Variants in CA10 observed in about 807,000 individuals in gnomAD.
The protein encoded by CA10 is carbonic anhydrase-related protein 10.
Under a neutral mutation model 44.2 loss-of-function variants are expected in CA10, and 14 were observed. That is an observed-to-expected ratio of 0.32 (90% CI 0.21 to 0.50). CA10 has a LOEUF of 0.50. Among genes scored for constraint, CA10 ranks in the 20% least tolerant of loss-of-function variants. The pLI, the probability that CA10 is intolerant of heterozygous loss-of-function variation, is 0.99. For missense variants in CA10, 350 were observed against 409.7 expected (o/e 0.85, Z 1.26); for synonymous variants, 159 against 141.6 (o/e 1.12, Z -0.87).
intron 1 of CA10, among the ~76,000 whole-genome samples, chr17:52,109,940 T>C (rs1249322504): frequency 6.6e-6 from 1 of 152,184 alleles, no homozygotes; most frequent in Non-Finnish European, 1.5e-5. Context: ...CCATGCATCC[T>C]CTGGCATCAT....
chr17:51,650,513 G>A (rs1480815909), intron 5 of CA10, among the ~76,000 whole-genome samples: 2 of 152,204 alleles, frequency 1.3e-5, no homozygotes, highest in Admixed American at 6.5e-5. Flanking sequence ...ACACACCAAA[G>A]GGAGCTTGGT....
chr17:51,930,996 G>T lies in CA10; in HGVS notation c.273C>A (p.Gly91=), dbSNP rs1484554803. Residue 91 remains glycine, a synonymous_variant, in exon 3 of 9, where the codon GGC becomes GGA. Coordinates refer to ENST00000451037, the MANE Select transcript of CA10 (RefSeq NM_020178.5). ...FLTPLRINTG[G]RKVSGTMYNT... Reference sequence around the variant, plus strand: ...AAGCAATATGGTGGCTTACCTTCCTGCCCCCCGTGTTGATGCGAAGAGGTG... The same window carrying T: ...AAGCAATATGGTGGCTTACCTTCCTTCCCCCCGTGTTGATGCGAAGAGGTG... 6.2e-7 allele frequency: 1 copy of T among 1,613,020 alleles called. No homozygotes were observed. The highest frequency in any genetic ancestry group is 8.5e-7 in the Non-Finnish European group (1 of 1,179,520).
chr17:51,936,552 C>A (rs190686189), intron 2 of CA10, among the ~76,000 whole-genome samples: 1 of 152,208 alleles, frequency 6.6e-6, no homozygotes, highest in African/African-American at 2.4e-5. Context: ...TGTTCAGGAA[C>A]AGAGAGGAAG....
intron 4 of CA10, among the ~76,000 whole-genome samples, chr17:51,703,571 T>C (rs1163361028): frequency 1.3e-5 from 2 of 152,068 alleles, no homozygotes; most frequent in East Asian, 3.9e-4. Context: ...ATTTTGGCAA[T>C]AGTCTCTGAG....
chr17:51,795,747 G>A (rs184904527), intron 3 of CA10, among the ~76,000 whole-genome samples: 1 of 152,320 alleles, frequency 6.6e-6, no homozygotes, highest in East Asian at 1.9e-4. Flanking sequence ...ACCCCAGGGA[G>A]GCACAAGGTG....
chr17:52,005,087 C>A (rs760593903), intron 2 of CA10, among the ~76,000 whole-genome samples: 1 of 151,874 alleles, frequency 6.6e-6, no homozygotes, highest in Non-Finnish European at 1.5e-5. Context: ...TAACCAAGAT[C>A]CTGGATCTCC....
At position 51,634,356 on chromosome 17, in the gene CA10, T is replaced by C. The variant is rs140362727; in HGVS notation, c.790-706A>G. Among the ~76,000 whole-genome samples the C allele has an allele frequency of 9.6e-3, 1,466 of 152,286 alleles. 30 individuals are homozygous for C. The highest frequency in any genetic ancestry group is 0.034 in the African/African-American group (1,412 of 41,556). ...GGAGTTACTGTTGCCTGTCACCCAG[T>C]GGGTCCCATTCAATACAGATAGGTT... On this transcript the variant is annotated intron_variant, in intron 7 of 8. Coordinates refer to ENST00000451037, the MANE Select transcript of CA10 (RefSeq NM_020178.5).
intron 2 of CA10, among the ~76,000 whole-genome samples, chr17:51,931,916 C>T (rs373589651): frequency 1.3e-5 from 2 of 152,150 alleles, no homozygotes; most frequent in South Asian, 4.1e-4. Flanking sequence ...GGGAGCCAAC[C>T]TACTAATTTT....
intron 2 of CA10, among the ~76,000 whole-genome samples, chr17:52,032,593 A>T (rs1986500559): frequency 6.6e-6 from 1 of 152,114 alleles, no homozygotes. Context: ...CATTCTTTAC[A>T]CTTCTCTCTG....
chr17:52,035,412 C>A (rs189835921), intron 2 of CA10, among the ~76,000 whole-genome samples: 3 of 152,278 alleles, frequency 2.0e-5, no homozygotes, highest in Admixed American at 2.0e-4. Flanking sequence ...GCAATAAAAT[C>A]TCCTGCATTT....
chr17:52,140,794 C>T (rs911666162), intron 1 of CA10, among the ~76,000 whole-genome samples: 69 of 152,278 alleles, frequency 4.5e-4, no homozygotes, highest in African/African-American at 1.6e-3. Flanking sequence ...CAGCCTAAGC[C>T]GCTGCTTCTT....
chr17:51,931,263 T>C (rs1982648134), intron 2 of CA10, 131 bp from the exon 3 acceptor site: 5 of 820,386 alleles, frequency 6.1e-6, no homozygotes, highest in Non-Finnish European at 9.5e-6. Flanking sequence ...TGGAGATCCT[T>C]GGGGGTTGCT....
intron 3 of CA10, among the ~76,000 whole-genome samples, chr17:51,926,544 C>T (rs1219472391): frequency 2.0e-5 from 3 of 152,098 alleles, no homozygotes; most frequent in African/African-American, 7.2e-5. Context: ...TTTTGCTGGG[C>T]TAAAATTAAA....
intron 4 of CA10, among the ~76,000 whole-genome samples, chr17:51,727,990 ATCT>A (rs1271174899): frequency 1.3e-5 from 2 of 152,070 alleles, no homozygotes; most frequent in Non-Finnish European, 2.9e-5. Flanking sequence ...GGCTCAAGCA[ATCT>A]TCCCACCTCA....
chr17:51,690,297 T>C (rs1915149466), intron 4 of CA10, among the ~76,000 whole-genome samples: 1 of 152,206 alleles, frequency 6.6e-6, no homozygotes, highest in East Asian at 1.9e-4. Context: ...TTAACTATAG[T>C]CATCATGTAC....
chr17:51,963,626 G>C (rs1983974127), intron 2 of CA10, among the ~76,000 whole-genome samples: 2 of 152,074 alleles, frequency 1.3e-5, no homozygotes, highest in Admixed American at 6.6e-5. Flanking sequence ...CACTTTTAAA[G>C]AAAAGAAATT....
intron 4 of CA10, among the ~76,000 whole-genome samples, chr17:51,659,051 G>A (rs990054173): frequency 1.8e-4 from 27 of 152,172 alleles, no homozygotes; most frequent in African/African-American, 6.5e-4. Flanking sequence ...GCAAAGGGAT[G>A]CCCAGACAGC....
At chr17:51,648,355 T>C (rs1913422736) in intron 6 of CA10, among the ~76,000 whole-genome samples, 1 of 152,224 alleles carries the variant, frequency 6.6e-6, no homozygotes. Context: ...AGAAGGACTT[T>C]AGAAACTTGA....
At chr17:51,910,491 T>C (rs1033977231) in intron 3 of CA10, among the ~76,000 whole-genome samples, 4 of 152,270 alleles carry the variant, frequency 2.6e-5, no homozygotes, top group South Asian at 2.1e-4. Context: ...TATCTAACAT[T>C]ACGTTTAACA....
Sources: gnomAD v4.1 joint callset for allele counts (sites outside exome capture counted in the v4.1 genomes callset) on GRCh38, gnomAD v4.1.1 for gene constraint, MANE v1.5 for transcripts, NCBI Gene and HGNC (gene_info 2026-07-23, HGNC 2026-07-21) for gene names.